The following RSPRY1 variants were observed in gnomAD, a reference collection of about 807,000 sequenced individuals.
RSPRY1 encodes the protein RING finger and SPRY domain-containing protein 1.
In RSPRY1, 23 loss-of-function variants were observed where a neutral mutation model predicts 73.1. The observed-to-expected ratio is 0.31, with a 90% CI of 0.23 to 0.45. RSPRY1 has a LOEUF of 0.45. RSPRY1 is among the 20% of genes least tolerant of loss of function. RSPRY1 has a pLI of 1.00. For synonymous variants in RSPRY1, 226 were observed against 251.4 expected (o/e 0.90, Z 0.95); for missense variants, 448 against 698.7 (o/e 0.64, Z 4.05).
chr16:57,201,475 T>G (rs1597869506), intron 1 of RSPRY1, among the ~76,000 whole-genome samples: 1 of 138,146 alleles, frequency 7.2e-6, no homozygotes. Flanking sequence ...CTTTCCAGAC[T>G]GGGCAGCCAG....
chr16:57,239,288 G>A lies in RSPRY1; in HGVS notation c.*313G>A, dbSNP rs936571263. 1.2e-5 allele frequency: 2 copies of A among 170,236 alleles called. No individual in the cohort carries two copies. Among genetic ancestry groups the A allele is most frequent in the East Asian group, 1.6e-4 (1 of 6,214 alleles). 10.5% of individuals were successfully genotyped at this position (170,236 alleles called of 1,614,324 possible). On this transcript the variant is annotated 3_prime_UTR_variant, in exon 15 of 15. Coordinates refer to ENST00000394420, the MANE Select transcript of RSPRY1 (RefSeq NM_133368.3). Reference sequence around the variant, plus strand: ...CTGAAATCACACTGGAATCCCCCTTGTTGGGTTCATTTGATTGTTTAACAC... The same window carrying A: ...CTGAAATCACACTGGAATCCCCCTTATTGGGTTCATTTGATTGTTTAACAC...
Position 57,217,044 on chromosome 16 carries a change from G to T in RSPRY1, c.901+9G>T. On this transcript the variant is annotated intron_variant, in intron 8 of 14. Coordinates refer to ENST00000394420, the MANE Select transcript of RSPRY1 (RefSeq NM_133368.3). ...GAGCTTAGACAATCTCTGTAAGTGG[G>T]AGTTGTCCTTTATTAAAATGTCCGT... The T allele has an allele frequency of 1.9e-6, 3 of 1,613,998 alleles. No individual in the cohort carries two copies. The highest frequency in any genetic ancestry group is 2.5e-6 in the Non-Finnish European group (3 of 1,179,926).
intron 14 of RSPRY1, 104 bp downstream of exon 14, chr16:57,235,332 C>A: frequency 1.3e-6 from 1 of 785,764 alleles, no homozygotes; most frequent in South Asian, 1.6e-5. Context: ...GAATGAGGAA[C>A]TAGAGTTTAA....
In RSPRY1 at chr16:57,226,313, G is replaced by A. The variant is rs141993888; in HGVS notation, c.1162-1029G>A. On this transcript the variant is annotated intron_variant, in intron 10 of 14. Coordinates refer to ENST00000394420, the MANE Select transcript of RSPRY1 (RefSeq NM_133368.3). ...TCCCAAGAGAGGGTTTTTGGACCTC[G>A]CGCAAGAAAGAATTTGGGGCGAATC... is the stretch of plus-strand genomic sequence containing the variant. Among the ~76,000 whole-genome samples the A allele has an allele frequency of 5.0e-3, 769 of 152,296 alleles. 26 individuals are homozygous for A. The highest frequency in any genetic ancestry group is 0.04 in the Admixed American group (615 of 15,286).
intron 13 of RSPRY1, among the ~76,000 whole-genome samples, chr16:57,233,806 C>G (rs958238952): frequency 2.0e-5 from 3 of 152,098 alleles, no homozygotes; most frequent in African/African-American, 7.2e-5. Context: ...AGAATATATC[C>G]AAAATCCAAC....
At chr16:57,199,895 G>GTT (rs61132783) in intron 1 of RSPRY1, among the ~76,000 whole-genome samples, 4 of 106,278 alleles carry the variant, frequency 3.8e-5, no homozygotes, top group Admixed American at 1.1e-4. Flanking sequence ...TTTTTTGTTT[G>GTT]TTTTTTTTTT....
intron 1 of RSPRY1, among the ~76,000 whole-genome samples, chr16:57,199,895 G>GTTTT (rs61132783): frequency 3.8e-5 from 4 of 106,248 alleles, no homozygotes; most frequent in African/African-American, 7.3e-5. Flanking sequence ...TTTTTTGTTT[G>GTTTT]TTTTTTTTTT....
intron 7 of RSPRY1, 31 bp downstream of exon 7, chr16:57,216,204 C>T (rs1177728965): frequency 6.7e-7 from 1 of 1,496,754 alleles, no homozygotes; most frequent in Non-Finnish European, 9.3e-7. Context: ...CACTAATGAT[C>T]TTCTGTATTG....
intron 11 of RSPRY1, among the ~76,000 whole-genome samples, chr16:57,228,486 T>C (rs191364328): frequency 6.6e-6 from 1 of 152,150 alleles, no homozygotes; most frequent in African/African-American, 2.4e-5. Flanking sequence ...GCTTGTTTTT[T>C]AATAAGAATT....
At chr16:57,221,813 T>C (rs375748754) in intron 10 of RSPRY1, among the ~76,000 whole-genome samples, 6 of 152,140 alleles carry the variant, frequency 3.9e-5, no homozygotes, top group African/African-American at 1.4e-4. Context: ...AAAAATAGAG[T>C]GTTGGCTTGA....
Position 57,194,554 on chromosome 16 carries a change from G to T in RSPRY1, c.-156+8103G>T, listed in dbSNP as rs1400130009. Among the ~76,000 whole-genome samples the T allele has an allele frequency of 2.6e-5, 4 of 152,190 alleles. No individual in the cohort carries two copies. The East Asian group carries it at 7.7e-4, about 29-fold the overall frequency. On this transcript the variant is annotated intron_variant, in intron 1 of 14. Coordinates refer to ENST00000394420, the MANE Select transcript of RSPRY1 (RefSeq NM_133368.3). ...ACACATTTTGCTATTCATGCTATTT[G>T]ACTTAGCCTTTGTGGGGGAGGGTTG...
At position 57,231,229 on chromosome 16, in the gene RSPRY1, C is replaced by G; in HGVS notation, c.1439C>G (p.Ala480Gly). The G allele has an allele frequency of 6.2e-7, 1 of 1,613,854 alleles. No homozygotes were observed. The highest frequency in any genetic ancestry group is 8.5e-7 in the Non-Finnish European group (1 of 1,179,882). The change falls in exon 13 of 15, where the codon GCA (alanine) becomes GGA (glycine). Residue 480 changes from alanine to glycine, a missense_variant. Coordinates refer to ENST00000394420, the MANE Select transcript of RSPRY1 (RefSeq NM_133368.3). ...CAACAATGTGAGTTCAATTTTGGAG[C>G]AAAACCATTCAAATACCCACCATCT... is the stretch of plus-strand genomic sequence containing the variant. ...SYQQCEFNFG[A>G]KPFKYPPSMK...
Position 57,238,994 on chromosome 16 carries a change from G to T in RSPRY1, c.*19G>T. On this transcript the variant is annotated 3_prime_UTR_variant, in exon 15 of 15. Coordinates refer to ENST00000394420, the MANE Select transcript of RSPRY1 (RefSeq NM_133368.3). ...TTCATGACACATGTGAAGAGGCATC[G>T]TGGACTTTTTTCTACTCAATTCCAG... is the stretch of plus-strand genomic sequence containing the variant. The T allele has an allele frequency of 7.1e-7, 1 of 1,399,510 alleles. No individual in the cohort carries two copies. Among genetic ancestry groups the T allele is most frequent in the South Asian group, 1.2e-5 (1 of 80,304 alleles). The allele number at this position is 1,399,510 out of a possible 1,614,324, so 86.7% of individuals were successfully genotyped here.
At chr16:57,221,919 G>A (rs893503267) in intron 10 of RSPRY1, among the ~76,000 whole-genome samples, 1 of 152,082 alleles carries the variant, frequency 6.6e-6, no homozygotes, top group Admixed American at 6.6e-5. Flanking sequence ...AATATAAAAG[G>A]GAAACAAATC....
chr16:57,198,474 A>T lies in RSPRY1; in HGVS notation c.-155-6030A>T, dbSNP rs116399047. 7.2e-3 allele frequency among the ~76,000 whole-genome samples: 1,090 copies of T among 152,352 alleles called. 11 individuals carry two copies. Among genetic ancestry groups the T allele is most frequent in the African/African-American group, 0.025 (1,050 of 41,584 alleles). On this transcript the variant is annotated intron_variant, in intron 1 of 14. Coordinates refer to ENST00000394420, the MANE Select transcript of RSPRY1 (RefSeq NM_133368.3). ...TTAGGAAAAAATGATAAAGTTTAAGAATTTAAGATCCAACAAACCTCTTTT... is the reference window on the plus strand; with the variant it reads ...TTAGGAAAAAATGATAAAGTTTAAGTATTTAAGATCCAACAAACCTCTTTT...
intron 7 of RSPRY1, chr16:57,216,556 A>C: frequency 3.1e-6 from 1 of 318,506 alleles, no homozygotes. Flanking sequence ...AATCTCTACA[A>C]AAAATTTTAA....
intron 10 of RSPRY1, among the ~76,000 whole-genome samples, chr16:57,224,887 TGTTCTGTCAAG>T (rs2075096498): frequency 6.6e-6 from 1 of 152,250 alleles, no homozygotes; most frequent in Non-Finnish European, 1.5e-5. Flanking sequence ...TTCTTTCAAG[TGTTCTGTCAAG>T]GACTTCTCAG....
rs1241253524 is a variant in RSPRY1 at position 57,210,400 on chromosome 16, GTTAAAAATAGAAGCAT to G, written c.516+1218_516+1233del. ...CAGCCTAGGTTAAAATTTTTTAAAT[GTTAAAAATAGAAGCAT>G]TTAAGGCTGGGCGCGGTGGTTCACG... On this transcript the variant is annotated intron_variant, in intron 4 of 14. Transcript: ENST00000394420. 3.8e-4 allele frequency among the ~76,000 whole-genome samples: 58 copies of G among 152,176 alleles called. 2 individuals are homozygous for G. The highest frequency in any genetic ancestry group is 3.7e-3 in the Admixed American group (57 of 15,282).
intron 1 of RSPRY1, among the ~76,000 whole-genome samples, chr16:57,194,677 G>A (rs1361605087): frequency 6.6e-6 from 1 of 152,052 alleles, no homozygotes; most frequent in African/African-American, 2.4e-5. Context: ...TCTTCTTTAT[G>A]GTCACTCTTG....
Sources: allele counts gnomAD v4.1 joint callset (sites outside exome capture counted in the v4.1 genomes callset), GRCh38; gene constraint gnomAD v4.1.1; transcripts MANE v1.5; gene names NCBI Gene and HGNC (gene_info 2026-07-23, HGNC 2026-07-21).